Variants in SNX19 observed in about 807,000 individuals in gnomAD.
SNX19 encodes sorting nexin-19.
In SNX19, 60 loss-of-function variants were observed where a neutral mutation model predicts 85.2. The ratio of observed to expected loss-of-function variants is 0.70; its 90% CI spans 0.57 to 0.87. The LOEUF is 0.87. Among genes scored for constraint, SNX19 ranks in the 40% least tolerant of loss-of-function variants. The probability of loss-of-function intolerance (pLI) is 0.00; values close to 1 mark genes in which losing one functional copy is unlikely to be tolerated. For synonymous variants in SNX19, 520 were observed against 470.0 expected (o/e 1.11, Z -1.38); for missense variants, 1,201 against 1,217.8 (o/e 0.99, Z 0.21).
intron 8 of SNX19, among the ~76,000 whole-genome samples, chr11:130,882,085 A>G (rs1433836903): frequency 1.3e-5 from 2 of 152,180 alleles, no homozygotes; most frequent in Non-Finnish European, 2.9e-5. Context: ...AGATATACCA[A>G]ATCTGGAGTT....
At position 130,879,828 on chromosome 11, in the gene SNX19, C is replaced by A. The variant is rs1284907742; in HGVS notation, c.2759-117G>T. ...CATAGGTTAGGTATTTCAGGCCTAC[C>A]TCTAAACCATACAGCCAAACTAAAA... On this transcript the variant is annotated intron_variant, in intron 9 of 10. Coordinates refer to ENST00000265909, the MANE Select transcript of SNX19 (RefSeq NM_014758.3). 4 of 781,428 alleles carry A rather than the reference C, an allele frequency of 5.1e-6. No individual in the cohort carries two copies. In the East Asian group the frequency reaches 1.1e-4, roughly 21 times the overall value. The allele number at this position is 781,428 out of a possible 1,614,324, so 48.4% of individuals were successfully genotyped here. A position where few individuals can be genotyped will look rare whatever the true frequency, so the allele number is the denominator to read the frequency against.
In SNX19 at chr11:130,910,011, C is replaced by G; in HGVS notation, c.2034+7G>C. The stretch of plus-strand genomic sequence containing the variant: ...ACTAAAGCTGAGCACAGTGGCCCTG[C>G]TGGTACCTTGTCTATTCTAGAGACC... On this transcript the variant is annotated splice_region_variant and intron_variant, in intron 4 of 10. Coordinates refer to ENST00000265909, the MANE Select transcript of SNX19 (RefSeq NM_014758.3). The G allele has an allele frequency of 6.2e-7, 1 of 1,612,798 alleles. No individual in the cohort carries two copies. The highest frequency in any genetic ancestry group is 8.5e-7 in the Non-Finnish European group (1 of 1,179,994).
chr11:130,911,877 C>T, intron 1 of SNX19, 106 bp from the exon 2 acceptor site: 3 of 1,094,360 alleles, frequency 2.7e-6, no homozygotes, highest in Non-Finnish European at 4.0e-6. Flanking sequence ...GAGTACGAAA[C>T]TAAGAACAAA....
In SNX19 at chr11:130,907,536, T is replaced by C. The variant is rs189493702; in HGVS notation, c.2165+417A>G. On this transcript the variant is annotated intron_variant, in intron 5 of 10. Coordinates refer to ENST00000265909, the MANE Select transcript of SNX19 (RefSeq NM_014758.3). ...CCCTGCAGGTTTCCATTCTAACCCT[T>C]TCCTCTTTATTGCTAATATATGCAA... Among the ~76,000 whole-genome samples the C allele has an allele frequency of 6.6e-5, 10 of 152,290 alleles. 1 individual carries two copies. The East Asian group carries it at 1.9e-3, about 29-fold the overall frequency.
intron 2 of SNX19, among the ~76,000 whole-genome samples, chr11:130,911,174 GA>G (rs1257246225): frequency 5.5e-5 from 8 of 145,470 alleles, no homozygotes; most frequent in African/African-American, 2.0e-4. Context: ...CAGCATGGGG[GA>G]CAGAGCGAGA....
Position 130,878,517 on chromosome 11 carries a change from A to G in SNX19, c.2884T>C (p.Phe962Leu). The change falls in exon 11 of 11, where the codon TTC becomes CTC. Residue 962 changes from phenylalanine to leucine, a missense_variant. Coordinates refer to ENST00000265909, the MANE Select transcript of SNX19 (RefSeq NM_014758.3). Reference protein sequence around the residue: ...IYCLGDIILEFLDLSASVEES... With the variant: ...IYCLGDIILELLDLSASVEES... ...TCAACAGAGGCACTGAGATCCAAGA[A>G]TTCCAGGATGATGTCCCCAAGGCAG... The G allele has an allele frequency of 6.2e-7, 1 of 1,613,888 alleles. No homozygotes were observed. Among genetic ancestry groups the G allele is most frequent in the Non-Finnish European group, 8.5e-7 (1 of 1,179,872 alleles).
In SNX19 at chr11:130,912,862, T is replaced by C. The variant is rs77678106; in HGVS notation, c.1675-1091A>G. ...AATTTTCAACACCGTTATGGTTACT[T>C]CCATCACATAAACCGAAAACTATTT... On this transcript the variant is annotated intron_variant, in intron 1 of 10. Transcript: ENST00000265909. Among the ~76,000 whole-genome samples the C allele has an allele frequency of 8.7e-3, 1,325 of 152,282 alleles. 15 individuals carry two copies. The highest frequency in any genetic ancestry group is 0.03 in the African/African-American group (1,233 of 41,530).
intron 2 of SNX19, chr11:130,911,360 C>G: frequency 5.1e-6 from 5 of 976,442 alleles, no homozygotes; most frequent in Non-Finnish European, 6.5e-6. Context: ...CTCACACCAA[C>G]TTACAGGCAC....
chr11:130,880,642 C>T lies in SNX19; in HGVS notation c.2738G>A (p.Ser913Asn), dbSNP rs1207520787. Residue 913 changes from serine (S) to asparagine (N), a missense_variant, in exon 9 of 11, where the codon AGC (serine) becomes AAC (asparagine). Coordinates refer to ENST00000265909, the MANE Select transcript of SNX19 (RefSeq NM_014758.3). ...ATTACCTGGGAGGACTCCCATCAGG[C>T]TCTGCAAAGCCTGTTTCTCAGCAGC... ...KLAAEKQALQSLMGVLPDLVV... is the reference protein window; with the variant it reads ...KLAAEKQALQNLMGVLPDLVV... 6.9e-6 allele frequency: 11 copies of T among 1,600,816 alleles called. No individual in the cohort carries two copies. The highest frequency in any genetic ancestry group is 1.1e-5 in the South Asian group (1 of 90,248).
chr11:130,890,178 T>C (rs1944399071), intron 8 of SNX19, among the ~76,000 whole-genome samples: 1 of 152,172 alleles, frequency 6.6e-6, no homozygotes. Context: ...TCATTCTTGA[T>C]TTGTCTTTTT....
Position 130,876,366 on chromosome 11 carries a change from TAGA to T in SNX19, c.*2053_*2055del, listed in dbSNP as rs901076181. On this transcript the variant is annotated 3_prime_UTR_variant, in exon 11 of 11. Coordinates refer to ENST00000265909, the MANE Select transcript of SNX19 (RefSeq NM_014758.3). Reference sequence around the variant, plus strand: ...CAATATCCATTATTTCCCTCCTGGGTAGAAGGAGGATCTGAGGACAGCTTATCT... The same window carrying T: ...CAATATCCATTATTTCCCTCCTGGGTAGGAGGATCTGAGGACAGCTTATCT... The T allele has an allele frequency of 6.6e-6, 1 of 152,424 alleles. No homozygotes were observed. The highest frequency in any genetic ancestry group is 1.5e-5 in the Non-Finnish European group (1 of 68,038). The allele number at this position is 152,424 out of a possible 1,614,324, so 9.4% of individuals were successfully genotyped here. A position where few individuals can be genotyped will look rare whatever the true frequency, so the allele number is the denominator to read the frequency against.
chr11:130,891,871 C>T (rs1184269264), intron 8 of SNX19, among the ~76,000 whole-genome samples: 13 of 146,400 alleles, frequency 8.9e-5, no homozygotes, highest in African/African-American at 3.3e-4. Flanking sequence ...GAGACAGTCT[C>T]ATTCTGTCGC....
intron 1 of SNX19, among the ~76,000 whole-genome samples, chr11:130,912,638 G>A (rs1448368834): frequency 6.6e-6 from 1 of 152,162 alleles, no homozygotes; most frequent in Non-Finnish European, 1.5e-5. Context: ...CTCGTTGGTG[G>A]GAGTTGTGGC....
intron 8 of SNX19, among the ~76,000 whole-genome samples, chr11:130,885,896 G>A (rs1944024920): frequency 6.6e-6 from 1 of 152,218 alleles, no homozygotes; most frequent in African/African-American, 2.4e-5. Context: ...CCTGAGAGCA[G>A]GGTTTTCAAC....
chr11:130,898,549 T>C (rs1290301700), intron 8 of SNX19, among the ~76,000 whole-genome samples: 1 of 152,132 alleles, frequency 6.6e-6, no homozygotes, highest in Non-Finnish European at 1.5e-5. Context: ...GACAAACATG[T>C]AGCCTCCTAG....
rs1942762896 is a variant in SNX19 at position 130,866,371 on chromosome 11, G to A, written c.*12051C>T. ...AAGGTATGAAAAACATTTGTATTCA[G>A]AGAATTCTAAGACAAATGGTCAAAT... On this transcript the variant is annotated 3_prime_UTR_variant, in exon 11 of 11. Coordinates refer to ENST00000265909, the MANE Select transcript of SNX19 (RefSeq NM_014758.3). 6.6e-6 allele frequency: 1 copy of A among 152,168 alleles called. No homozygotes were observed. The highest frequency in any genetic ancestry group is 1.9e-4 in the East Asian group (1 of 5,204). 9.4% of individuals were successfully genotyped at this position (152,168 alleles called of 1,614,324 possible).
At chr11:130,911,815 G>C (rs754513581) in intron 1 of SNX19, 44 bp from the exon 2 acceptor site, 5 of 1,596,424 alleles carry the variant, frequency 3.1e-6, no homozygotes, top group Non-Finnish European at 4.3e-6. Context: ...CCGGGTTTCA[G>C]CAATCTTCTA....
chr11:130,888,958 G>A (rs1944294417), intron 8 of SNX19, among the ~76,000 whole-genome samples: 1 of 152,112 alleles, frequency 6.6e-6, no homozygotes, highest in Admixed American at 6.5e-5. Context: ...ATAGAAAACA[G>A]CCTAGCAAAT....
At position 130,873,755 on chromosome 11, in the gene SNX19, T is replaced by C. The variant is rs2135254797; in HGVS notation, c.*4667A>G. ...TAATGCTCTCAGAAGATGTTAACTA[T>C]TAGCTGGTACCAGGCATTTTGGGAG... On this transcript the variant is annotated 3_prime_UTR_variant, in exon 11 of 11. Coordinates refer to ENST00000265909, the MANE Select transcript of SNX19 (RefSeq NM_014758.3). Among the ~76,000 whole-genome samples, 1 of 152,322 alleles carries C rather than the reference T, an allele frequency of 6.6e-6. No homozygotes were observed. The highest frequency in any genetic ancestry group is 1.5e-5 in the Non-Finnish European group (1 of 68,036).
Sources: allele counts gnomAD v4.1 joint callset (sites outside exome capture counted in the v4.1 genomes callset), GRCh38; gene constraint gnomAD v4.1.1; transcripts MANE v1.5; gene names NCBI Gene and HGNC (gene_info 2026-07-23, HGNC 2026-07-21).